Variants in ITPRIP observed in about 807,000 individuals in gnomAD.
ITPRIP encodes the protein inositol 1,4,5-trisphosphate receptor interacting protein, also known as inositol 1,4,5-trisphosphate receptor-interacting protein.
Under a neutral mutation model 35.8 loss-of-function variants are expected in ITPRIP, and 32 were observed. That is an observed-to-expected ratio of 0.89 (90% confidence interval 0.68 to 1.20). The LOEUF (loss-of-function observed/expected upper bound fraction) is 1.20, where lower values mean the gene tolerates loss of function less well. ITPRIP is among the 50% of genes most tolerant of loss of function. The probability of loss-of-function intolerance (pLI) is 0.00; values close to 1 mark genes in which losing one functional copy is unlikely to be tolerated. For synonymous variants in ITPRIP, 358 were observed against 324.0 expected (o/e 1.11, Z -1.13); for missense variants, 653 against 735.6 (o/e 0.89, Z 1.30).
At chr10:104,335,752 TA>T (rs1368422245) in intron 1 of ITPRIP, among the ~76,000 whole-genome samples, 1 of 152,238 alleles carries the variant, frequency 6.6e-6, no homozygotes, top group East Asian at 1.9e-4. Flanking sequence ...ACTAGCTTTT[TA>T]AGCTTAAGTT....
At chr10:104,329,961 A>T (rs544852821) in intron 1 of ITPRIP, among the ~76,000 whole-genome samples, 13 of 152,324 alleles carry the variant, frequency 8.5e-5, no homozygotes, top group African/African-American at 3.1e-4. Context: ...CTCCTCCAGA[A>T]GCCTGGGGAG....
rs2135173901 is a variant in ITPRIP, at chr10:104,313,554, CT to C, written c.*853del. ...TCCACCTTTAGCATCTGTCCTCCCC[CT>C]ACCACAATGATAGTCAGAAAGACCA... On this transcript the variant is annotated 3_prime_UTR_variant, in exon 2 of 2. Coordinates refer to ENST00000337478, the MANE Select transcript of ITPRIP (RefSeq NM_001272013.2). 1 of 985,518 alleles carries C rather than the reference CT, an allele frequency of 1.0e-6. No individual in the cohort carries two copies. The highest frequency in any genetic ancestry group is 1.2e-6 in the Non-Finnish European group (1 of 829,996). The allele number at this position is 985,518 out of a possible 1,614,324, so 61.0% of individuals were successfully genotyped here. A position where few individuals can be genotyped will look rare whatever the true frequency, so the allele number is the denominator to read the frequency against.
rs1472479073 is a variant in ITPRIP, at chr10:104,314,617, TGAA to T, written c.1432_1434del (p.Phe478del). 3 of 1,614,142 alleles carry T rather than the reference TGAA, an allele frequency of 1.9e-6. No individual in the cohort carries two copies. The highest frequency in any genetic ancestry group is 2.5e-6 in the Non-Finnish European group (3 of 1,180,022). ...GCCTCAGGCACCTTGCGGTTGCCGA[TGAA>T]GAAGTGGTGGAGCTTCTTCTGGAGC... On this transcript the variant is annotated inframe_deletion, in exon 2 of 2. Coordinates refer to ENST00000337478, the MANE Select transcript of ITPRIP (RefSeq NM_001272013.2).
At chr10:104,335,609 T>C (rs1274295322) in intron 1 of ITPRIP, among the ~76,000 whole-genome samples, 2 of 152,206 alleles carry the variant, frequency 1.3e-5, no homozygotes, top group African/African-American at 4.8e-5. Flanking sequence ...CCTCTTTTCT[T>C]TCCTCCTCTG....
chr10:104,328,789 A>AC lies in ITPRIP; in HGVS notation c.-14+9456dup, dbSNP rs1361121238. ...GCCTCTAGGAGATGGGGGAGGATGA[A>AC]CCCCCCAAGGCCTTGTCCACGACCT... On this transcript the variant is annotated intron_variant, in intron 1 of 1. Coordinates refer to ENST00000337478, the MANE Select transcript of ITPRIP (RefSeq NM_001272013.2). The surrounding 1 kb of genome is among the most constrained non-coding windows in gnomAD (Gnocchi z 4.1). The AC allele has an allele frequency of 6.6e-6, 1 of 151,342 alleles. No homozygotes were observed. Among genetic ancestry groups the AC allele is most frequent in the East Asian group, 2.0e-4 (1 of 5,122 alleles). The allele number at this position is 151,342 out of a possible 1,614,324, so 9.4% of individuals were successfully genotyped here.
At chr10:104,334,209 G>A (rs1401199644) in intron 1 of ITPRIP, among the ~76,000 whole-genome samples, 4 of 152,232 alleles carry the variant, frequency 2.6e-5, no homozygotes, top group Non-Finnish European at 5.9e-5. Context: ...ACCAGAAAGA[G>A]CCCTTTAAAT....
chr10:104,337,002 A>T (rs777030032), intron 1 of ITPRIP, among the ~76,000 whole-genome samples: 23 of 152,222 alleles, frequency 1.5e-4, no homozygotes, highest in Non-Finnish European at 3.2e-4. Flanking sequence ...AAGTGGAGAA[A>T]ATCCGAAGGC....
Position 104,314,558 on chromosome 10 carries a change from C to T in ITPRIP, c.1494G>A (p.Glu498=). 2 of 1,614,150 alleles carry T rather than the reference C, an allele frequency of 1.2e-6. No homozygotes were observed. Among genetic ancestry groups the T allele is most frequent in the Non-Finnish European group, 1.7e-6 (2 of 1,180,032 alleles). ...MGLPEAVLRA[E]PLNLFRPFVL... ...CGAAGGGCCGGAAGAGGTTGAGGGG[C>T]TCGGCCCTGAGCACGGCCTCAGGGA... is the stretch of plus-strand genomic sequence containing the variant. Residue 498 remains glutamate, a synonymous_variant, in exon 2 of 2, where the codon GAG becomes GAA. Transcript: ENST00000337478.
intron 1 of ITPRIP, among the ~76,000 whole-genome samples, chr10:104,332,566 C>T (rs1255049890): frequency 6.6e-6 from 1 of 152,190 alleles, no homozygotes; most frequent in African/African-American, 2.4e-5. Context: ...CCTGTGCTGA[C>T]ATTTGGCAGC....
At position 104,333,062 on chromosome 10, in the gene ITPRIP, G is replaced by A. The variant is rs905500716; in HGVS notation, c.-14+5184C>T. The stretch of plus-strand genomic sequence containing the variant: ...TCTCACTCTCTTTTGTGGGGAGGCT[G>A]AAGAATGGAAAGTCACTTTTCTGAT... On this transcript the variant is annotated intron_variant, in intron 1 of 1. Transcript: ENST00000337478. This position sits in a 1 kb window ranked among gnomAD's most constrained non-coding sequence, Gnocchi z 4.1. Among the ~76,000 whole-genome samples, 3 of 152,238 alleles carry A rather than the reference G, an allele frequency of 2.0e-5. No individual in the cohort carries two copies. The highest frequency in any genetic ancestry group is 4.4e-5 in the Non-Finnish European group (3 of 68,042).
intron 1 of ITPRIP, among the ~76,000 whole-genome samples, chr10:104,331,770 C>A (rs895892910): frequency 6.6e-6 from 1 of 152,188 alleles, no homozygotes; most frequent in Admixed American, 6.5e-5. Context: ...GAAGGGAAAG[C>A]CTTTCCTTCC....
At chr10:104,317,252 G>A (rs976124655) in intron 1 of ITPRIP, among the ~76,000 whole-genome samples, 1 of 152,160 alleles carries the variant, frequency 6.6e-6, no homozygotes, top group African/African-American at 2.4e-5. Flanking sequence ...CTTCTTAATT[G>A]TGAAAGGAGG....
intron 1 of ITPRIP, among the ~76,000 whole-genome samples, chr10:104,332,613 G>C (rs966100464): frequency 8.5e-5 from 13 of 152,212 alleles, no homozygotes; most frequent in African/African-American, 2.7e-4. Flanking sequence ...CACCTGATAA[G>C]ATGTGGCGGA....
rs1021024811 is a variant in ITPRIP at position 104,314,114 on chromosome 10, C to T, written c.*294G>A. 2.3e-5 allele frequency: 28 copies of T among 1,192,510 alleles called. No individual in the cohort carries two copies. The highest frequency in any genetic ancestry group is 6.2e-5 in the African/African-American group (4 of 64,058). The allele number at this position is 1,192,510 out of a possible 1,614,324, so 73.9% of individuals were successfully genotyped here. On this transcript the variant is annotated 3_prime_UTR_variant, in exon 2 of 2. Transcript: ENST00000337478. ...ATTGTCTCTAACTCAGGGTCCACAG[C>T]GTGTTCTGCCACCATCTTGGCCATT...
chr10:104,320,531 T>A (rs2013819346), intron 1 of ITPRIP, among the ~76,000 whole-genome samples: 2 of 147,798 alleles, frequency 1.4e-5, no homozygotes, highest in Non-Finnish European at 3.0e-5. Flanking sequence ...GAGGTCTGCC[T>A]GTAATTTTTT....
intron 1 of ITPRIP, among the ~76,000 whole-genome samples, chr10:104,336,504 G>T (rs1431977527): frequency 1.3e-5 from 2 of 151,048 alleles, no homozygotes; most frequent in African/African-American, 2.4e-5. Flanking sequence ...TGGGGGGGGG[G>T]GGGCAGCGGG....
rs1046574909 is a variant in ITPRIP at position 104,315,921 on chromosome 10, T to C, written c.131A>G (p.His44Arg). The change falls in exon 2 of 2, where the codon CAC (histidine) becomes CGC (arginine). Residue 44 changes from histidine (H) to arginine (R), a missense_variant. Transcript: ENST00000337478. The surrounding 1 kb of genome is among the most constrained non-coding windows in gnomAD (Gnocchi z 5.7). ...CTGCTCCAGCTGCAGCTTCTCCTGG[T>C]GCGCCTGCATCTTGCGGATGATCTC... ...EEEIIRKMQAHQEKLQLEQLR... is the reference protein window; with the variant it reads ...EEEIIRKMQARQEKLQLEQLR... The C allele has an allele frequency of 1.9e-6, 3 of 1,613,840 alleles. No homozygotes were observed. The highest frequency in any genetic ancestry group is 1.3e-5 in the African/African-American group (1 of 74,938).
intron 1 of ITPRIP, among the ~76,000 whole-genome samples, chr10:104,327,947 T>C (rs2014064133): frequency 6.6e-6 from 1 of 152,196 alleles, no homozygotes; most frequent in East Asian, 1.9e-4. Flanking sequence ...CCTTCCTCAC[T>C]GTGAGCTCCT....
chr10:104,336,497 G>A (rs1263807962), intron 1 of ITPRIP, among the ~76,000 whole-genome samples: 1 of 126,882 alleles, frequency 7.9e-6, no homozygotes, highest in Non-Finnish European at 1.5e-5. Flanking sequence ...TTTTTTTTGG[G>A]GGGGGGGGGG....
Sources: gnomAD v4.1 joint callset for allele counts (sites outside exome capture counted in the v4.1 genomes callset) on GRCh38, gnomAD v4.1.1 for gene constraint, Gnocchi (gnomAD v3.1) non-coding constraint, MANE v1.5 for transcripts, NCBI Gene and HGNC (gene_info 2026-07-23, HGNC 2026-07-21) for gene names.